The following ST6GAL1 variants were observed in gnomAD, a reference collection of about 807,000 sequenced individuals.
ST6GAL1 encodes the protein beta-galactoside alpha-2,6-sialyltransferase 1.
Under a neutral mutation model 38.0 loss-of-function variants are expected in ST6GAL1, and 20 were observed. The observed-to-expected ratio is 0.53, with a 90% CI of 0.37 to 0.77. The LOEUF is 0.77. Among genes scored for constraint, ST6GAL1 ranks in the 30% least tolerant of loss-of-function variants. ST6GAL1 has a pLI of 0.00. For missense variants in ST6GAL1, 432 were observed against 496.4 expected (o/e 0.87, Z 1.23); for synonymous variants, 196 against 188.2 (o/e 1.04, Z -0.34).
At chr3:187,033,117 A>G (rs1359975872) in intron 2 of ST6GAL1, among the ~76,000 whole-genome samples, 1 of 152,258 alleles carries the variant, frequency 6.6e-6, no homozygotes, top group African/African-American at 2.4e-5. Flanking sequence ...CATAATAAAA[A>G]TAATAAAGGA....
At chr3:186,961,295 A>G (rs1286894616) in intron 1 of ST6GAL1, among the ~76,000 whole-genome samples, 1 of 152,106 alleles carries the variant, frequency 6.6e-6, no homozygotes, top group Non-Finnish European at 1.5e-5. Flanking sequence ...GATCTTGTGC[A>G]TGGCATTTGC....
intron 2 of ST6GAL1, among the ~76,000 whole-genome samples, chr3:186,966,097 A>T (rs1715103691): frequency 6.6e-6 from 1 of 152,090 alleles, no homozygotes; most frequent in African/African-American, 2.4e-5. Context: ...ACGGGGTTTT[A>T]CCATGTTGGT....
In ST6GAL1 at chr3:187,072,931, A is replaced by G. The variant is rs182664343; in HGVS notation, c.788A>G (p.His263Arg). Residue 263 changes from histidine to arginine, a missense_variant, in exon 6 of 8, where the codon CAC (histidine) becomes CGC (arginine). Coordinates refer to ENST00000169298, the MANE Select transcript of ST6GAL1 (RefSeq NM_173216.2). ...ATTGTATGGGACCCATCTGTATACC[A>G]CTCAGATATCCCAAAGGTAAGTGGG... Reference protein sequence around the residue: ...ILIVWDPSVYHSDIPKWYQNP... With the variant: ...ILIVWDPSVYRSDIPKWYQNP... 8 of 1,613,506 alleles carry G rather than the reference A, an allele frequency of 5.0e-6. No individual in the cohort carries two copies. The East Asian group carries it at 1.8e-4, about 36-fold the overall frequency.
rs1719522303 is a variant in ST6GAL1 at position 187,075,292 on chromosome 3, A to G, written c.980-270A>G. Among the ~76,000 whole-genome samples the G allele has an allele frequency of 6.6e-6, 1 of 152,196 alleles. No individual in the cohort carries two copies. The highest frequency in any genetic ancestry group is 2.4e-5 in the African/African-American group (1 of 41,432). Reference sequence around the variant, plus strand: ...GCTGATTGATGGAGTCATTTAATCTACTAGCATTTAGGGAGGATCTATTAT... The same window carrying G: ...GCTGATTGATGGAGTCATTTAATCTGCTAGCATTTAGGGAGGATCTATTAT... On this transcript the variant is annotated intron_variant, in intron 7 of 7. Transcript: ENST00000169298. The surrounding 1 kb of genome is among the most constrained non-coding windows in gnomAD (Gnocchi z 4.1).
intron 1 of ST6GAL1, among the ~76,000 whole-genome samples, chr3:186,955,830 GT>G (rs1400974416): frequency 6.6e-6 from 1 of 152,126 alleles, no homozygotes; most frequent in East Asian, 1.9e-4. Flanking sequence ...TTGAGCAGTG[GT>G]TTGTAGTTCT....
chr3:187,074,131 T>C, intron 6 of ST6GAL1, 28 bp from the exon 7 acceptor site: 1 of 1,583,320 alleles, frequency 6.3e-7, no homozygotes, highest in East Asian at 2.3e-5. Flanking sequence ...CATTTCTCCC[T>C]TGAGAGGACC....
chr3:187,049,435 A>G lies in ST6GAL1; in HGVS notation c.608-1814A>G, dbSNP rs114061306. Among the ~76,000 whole-genome samples the G allele has an allele frequency of 3.4e-3, 514 of 152,254 alleles. 6 individuals are homozygous for G. The highest frequency in any genetic ancestry group is 0.022 in the East Asian group (116 of 5,170). ...CTCTGTCCCTTTTCCCTTCAGTTCT[A>G]TGAGATCCAAGGGAAGGGGCAGAAC... On this transcript the variant is annotated intron_variant, in intron 4 of 7. Coordinates refer to ENST00000169298, the MANE Select transcript of ST6GAL1 (RefSeq NM_173216.2).
chr3:187,025,009 G>T (rs181875429), intron 2 of ST6GAL1, among the ~76,000 whole-genome samples: 170 of 151,662 alleles, frequency 1.1e-3, no homozygotes, highest in African/African-American at 3.9e-3. Context: ...GTGTGTGTGT[G>T]TGTGTGTGTG....
Position 186,977,851 on chromosome 3 carries a change from G to C in ST6GAL1, c.-183+13925G>C, listed in dbSNP as rs185184005. On this transcript the variant is annotated intron_variant, in intron 2 of 7. Transcript: ENST00000169298. The stretch of plus-strand genomic sequence containing the variant: ...GTAGTGGTCACTATCCTCATCACTT[G>C]AAATAGTTTTAATTTTCAGTACAAG... Among the ~76,000 whole-genome samples the C allele has an allele frequency of 3.9e-5, 6 of 152,328 alleles. No individual in the cohort carries two copies. In the East Asian group the frequency reaches 1.2e-3, roughly 29 times the overall value.
intron 6 of ST6GAL1, chr3:187,073,948 C>A: frequency 2.5e-6 from 1 of 405,762 alleles, no homozygotes; most frequent in South Asian, 8.9e-5. Context: ...TCCCCCAAAG[C>A]ACAGGCTATA....
chr3:186,931,549 G>A (rs1396358478), intron 1 of ST6GAL1, among the ~76,000 whole-genome samples: 1 of 152,224 alleles, frequency 6.6e-6, no homozygotes, highest in Non-Finnish European at 1.5e-5. Flanking sequence ...ACCTCCTGGA[G>A]GTCTCTTAGA....
At chr3:187,041,538 TAAAG>T (rs2108579280) in intron 3 of ST6GAL1, among the ~76,000 whole-genome samples, 2 of 152,358 alleles carry the variant, frequency 1.3e-5, no homozygotes, top group Non-Finnish European at 2.9e-5. Flanking sequence ...TACTCAGAAA[TAAAG>T]AGACTATTCA....
At chr3:187,047,602 G>A (rs562196919) in intron 4 of ST6GAL1, among the ~76,000 whole-genome samples, 1 of 152,160 alleles carries the variant, frequency 6.6e-6, no homozygotes, top group African/African-American at 2.4e-5. Context: ...CAGAGAGGTG[G>A]TAGTTTCTTT....
chr3:187,064,722 T>C (rs1398551168), intron 5 of ST6GAL1: 1 of 428,114 alleles, frequency 2.3e-6, no homozygotes, highest in Non-Finnish European at 4.7e-6. Flanking sequence ...GTGGTGGTAC[T>C]GAACTGTGAT....
At chr3:187,040,946 T>G (rs1032959631) in intron 3 of ST6GAL1, among the ~76,000 whole-genome samples, 1 of 152,152 alleles carries the variant, frequency 6.6e-6, no homozygotes, top group African/African-American at 2.4e-5. Context: ...ATGAGCTGGA[T>G]GTCAGTTCAT....
At chr3:186,970,277 C>T (rs1226217388) in intron 2 of ST6GAL1, among the ~76,000 whole-genome samples, 1 of 148,868 alleles carries the variant, frequency 6.7e-6, no homozygotes, top group Non-Finnish European at 1.5e-5. Context: ...TGCAGTGGCG[C>T]GATCTCAGCT....
rs144394704 is a variant in ST6GAL1, at chr3:186,952,885, C to T, written c.-324-10900C>T. 6.2e-3 allele frequency among the ~76,000 whole-genome samples: 941 copies of T among 152,308 alleles called. 13 individuals are homozygous for T. Among genetic ancestry groups the T allele is most frequent in the African/African-American group, 0.022 (894 of 41,562 alleles). ...TGCTTTTCTCCCTAAAAGAGCCATC[C>T]TCATTTCAGTGGACAACAATTTCAT... On this transcript the variant is annotated intron_variant, in intron 1 of 7. Transcript: ENST00000169298. The surrounding 1 kb of genome is among the most constrained non-coding windows in gnomAD (Gnocchi z 4.1).
chr3:186,945,724 T>C (rs1411780846), intron 1 of ST6GAL1, among the ~76,000 whole-genome samples: 1 of 152,052 alleles, frequency 6.6e-6, no homozygotes, highest in African/African-American at 2.4e-5. Context: ...CGGTGGCTCA[T>C]GCCTGTAATC....
At chr3:186,971,579 C>T (rs1715352173) in intron 2 of ST6GAL1, among the ~76,000 whole-genome samples, 1 of 152,220 alleles carries the variant, frequency 6.6e-6, no homozygotes, top group Non-Finnish European at 1.5e-5. Flanking sequence ...AACCCCCTCC[C>T]ATCATTTTCA....
Sources: gnomAD v4.1 joint callset for allele counts (sites outside exome capture counted in the v4.1 genomes callset) on GRCh38, gnomAD v4.1.1 for gene constraint, Gnocchi (gnomAD v3.1) non-coding constraint, MANE v1.5 for transcripts, NCBI Gene and HGNC (gene_info 2026-07-23, HGNC 2026-07-21) for gene names.